TCF20: variants seen among roughly 807,000 people sequenced by gnomAD.
TCF20 encodes SPRE-binding protein.
A neutral mutation model predicts 148.6 loss-of-function variants in TCF20; 3 were observed. The ratio of observed to expected loss-of-function variants is 0.02; its 90% CI spans 0.01 to 0.05. The LOEUF (loss-of-function observed/expected upper bound fraction) is 0.05. TCF20 is among the 10% of genes least tolerant of loss of function. The pLI is 1.00. For synonymous variants in TCF20, 1,049 were observed against 909.5 expected, an observed-to-expected ratio of 1.15 and a Z score of -2.76; for missense variants, 2,350 against 2,429.3, an observed-to-expected ratio of 0.97 and a Z score of 0.69.
In TCF20 at chr22:42,212,290, G is replaced by C; in HGVS notation, c.3016C>G (p.Pro1006Ala). The part of the protein sequence containing the change: ...GGREGMRGRS[P>A]SQYHDFAEKL... ...TCTGCAAAGTCATGATATTGAGAAG[G>C]GGACCGACCCCTCATGCCCTCCCGA... Residue 1006 changes from proline to alanine, a missense_variant, in exon 2 of 6, where the codon CCT (proline) becomes GCT (alanine). Transcript: ENST00000677622. The C allele has an allele frequency of 6.2e-7, 1 of 1,614,180 alleles. No individual in the cohort carries two copies. The highest frequency in any genetic ancestry group is 8.5e-7 in the Non-Finnish European group (1 of 1,180,030).
At position 42,181,949 on chromosome 22, in the gene TCF20, C is replaced by T. The variant is rs187602527; in HGVS notation, c.5656-2247G>A. 1.3e-3 allele frequency among the ~76,000 whole-genome samples: 203 copies of T among 152,108 alleles called. 1 individual carries two copies. Among genetic ancestry groups the T allele is most frequent in the Middle Eastern group, 0.01 (3 of 294 alleles). On this transcript the variant is annotated intron_variant, in intron 2 of 5. Transcript: ENST00000677622. Reference sequence around the variant, plus strand: ...AGGGAGGAACAGGTAATTTTTCTTGCGCAGCCTCTGTGAGGATTAGACAGT... The same window carrying T: ...AGGGAGGAACAGGTAATTTTTCTTGTGCAGCCTCTGTGAGGATTAGACAGT...
At chr22:42,321,219 C>G (rs1032837807) in intron 1 of TCF20, among the ~76,000 whole-genome samples, 3 of 152,218 alleles carry the variant, frequency 2.0e-5, no homozygotes, top group African/African-American at 7.2e-5. Context: ...ACAGGCGGCA[C>G]TTCAGGGCAT....
Position 42,214,005 on chromosome 22 carries a change from C to A in TCF20, c.1301G>T (p.Gly434Val), listed in dbSNP as rs1048998824. The change falls in exon 2 of 6, where the codon GGC becomes GTC. Residue 434 changes from glycine to valine, a missense_variant. By Grantham distance (109) the Gly-to-Val change is moderately radical. Coordinates refer to ENST00000677622, the MANE Select transcript of TCF20 (RefSeq NM_001378418.1). ...MMPSPNSHAA[G>V]FKGFGLEGVP... Reference sequence around the variant, plus strand: ...CCCTTCTAGTCCAAACCCTTTGAAGCCTGCAGCATGAGAATTAGGACTGGG... The same window carrying A: ...CCCTTCTAGTCCAAACCCTTTGAAGACTGCAGCATGAGAATTAGGACTGGG... The A allele has an allele frequency of 6.2e-7, 1 of 1,614,142 alleles. No homozygotes were observed. Among genetic ancestry groups the A allele is most frequent in the Non-Finnish European group, 8.5e-7 (1 of 1,180,034 alleles).
chr22:42,261,197 G>A (rs1056131643), intron 1 of TCF20, among the ~76,000 whole-genome samples: 3 of 152,082 alleles, frequency 2.0e-5, no homozygotes. Context: ...TTTGTTTGTG[G>A]TCTTCCATTG....
In TCF20 at chr22:42,212,526, T is replaced by C. The variant is rs1210861498; in HGVS notation, c.2780A>G (p.Gln927Arg). 1.2e-6 allele frequency: 2 copies of C among 1,614,002 alleles called. No individual in the cohort carries two copies. Among genetic ancestry groups the C allele is most frequent in the Admixed American group, 3.3e-5 (2 of 60,006 alleles). Residue 927 changes from glutamine (Q) to arginine (R), a missense_variant, in exon 2 of 6, where the codon CAG (glutamine) becomes CGG (arginine). Coordinates refer to ENST00000677622, the MANE Select transcript of TCF20 (RefSeq NM_001378418.1). ...CTGTTCAAAGTCTTCCTCTTTTATC[T>C]GCCCGCTCTGGGATTTCAGCTTGGT... ...METKLKSQSG[Q>R]IKEEDFEQSK... is the part of the protein sequence containing the mutation.
rs1367655374 is a variant in TCF20, at chr22:42,210,578, C to T, written c.4728G>A (p.Lys1576=). ...IPEGSADGEP[K]PKKQRQRRER... Reference sequence around the variant, plus strand: ...CCCTCCTTTGCCTCTGTTTTTTTGGCTTTGGCTCTCCATCTGCAGAACCTT... The same window carrying T: ...CCCTCCTTTGCCTCTGTTTTTTTGGTTTTGGCTCTCCATCTGCAGAACCTT... Residue 1576 remains lysine (K), a synonymous_variant, in exon 2 of 6, where the codon AAG becomes AAA. Transcript: ENST00000677622. The surrounding 1 kb of genome is among the most constrained non-coding windows in gnomAD (Gnocchi z 4.7). 5.0e-6 allele frequency: 8 copies of T among 1,614,062 alleles called. No individual in the cohort carries two copies. Among genetic ancestry groups the T allele is most frequent in the Admixed American group, 3.3e-5 (2 of 60,008 alleles).
chr22:42,260,541 A>G (rs553385944), intron 1 of TCF20, among the ~76,000 whole-genome samples: 17 of 152,302 alleles, frequency 1.1e-4, no homozygotes, highest in Non-Finnish European at 2.4e-4. Context: ...TGAGAGATAC[A>G]TATATGTATA....
In TCF20 at chr22:42,236,437, C is replaced by A. The variant is rs188217549; in HGVS notation, c.-36-21096G>T. Among the ~76,000 whole-genome samples the A allele has an allele frequency of 5.8e-4, 88 of 152,152 alleles. 1 individual carries two copies. The highest frequency in any genetic ancestry group is 2.1e-3 in the African/African-American group (86 of 41,520). ...TCCTCTAATTCACAATGAAGAATGCCGACGGAGCGCATTCTTAATCTATAT... is the reference window on the plus strand; with the variant it reads ...TCCTCTAATTCACAATGAAGAATGCAGACGGAGCGCATTCTTAATCTATAT... On this transcript the variant is annotated intron_variant, in intron 1 of 5. Transcript: ENST00000677622.
chr22:42,252,989 C>CTATATAGTATATATTT (rs1925502522), intron 1 of TCF20, among the ~76,000 whole-genome samples: 2 of 151,518 alleles, frequency 1.3e-5, no homozygotes, highest in Non-Finnish European at 2.9e-5. Context: ...TAATAAAAGG[C>CTATATAGTATATATTT]TAATAAACTG....
At chr22:42,234,922 C>T (rs773812297) in intron 1 of TCF20, among the ~76,000 whole-genome samples, 47 of 151,964 alleles carry the variant, frequency 3.1e-4, no homozygotes, top group East Asian at 1.2e-3. Context: ...AGGCGGATCA[C>T]GAGGTCAGGA....
intron 1 of TCF20, among the ~76,000 whole-genome samples, chr22:42,295,446 T>C (rs916263830): frequency 1.8e-4 from 27 of 149,284 alleles, no homozygotes; most frequent in East Asian, 5.8e-4. Flanking sequence ...TCTTTTCTTT[T>C]TTTTTTTTTT....
chr22:42,293,890 C>T (rs1927177986), intron 1 of TCF20, among the ~76,000 whole-genome samples: 1 of 152,208 alleles, frequency 6.6e-6, no homozygotes, highest in Non-Finnish European at 1.5e-5. Flanking sequence ...ATCCCAGCTA[C>T]TCAGGAGGCT....
chr22:42,230,399 A>G (rs924668498), intron 1 of TCF20, among the ~76,000 whole-genome samples: 2 of 152,260 alleles, frequency 1.3e-5, no homozygotes, highest in South Asian at 2.1e-4. Context: ...TGTACAGTAC[A>G]TAATACTTGA....
chr22:42,197,322 C>CTTTT (rs546243265), intron 2 of TCF20, among the ~76,000 whole-genome samples: 3 of 134,226 alleles, frequency 2.2e-5, no homozygotes, highest in Non-Finnish European at 3.2e-5. Flanking sequence ...AGATGAGAAA[C>CTTTT]TTTTTTTTTT....
upstream of TCF20, among the ~76,000 whole-genome samples, chr22:42,284,394 A>G (rs1926985139): frequency 6.6e-6 from 1 of 152,224 alleles, no homozygotes; most frequent in Admixed American, 6.5e-5. Context: ...TTCATAGAGC[A>G]CCTACTGTGT....
rs3045578 is a variant in TCF20, at chr22:42,243,292, CAAAAAAAAAAAAAA to C, written c.-37+27033_-37+27046del. On this transcript the variant is annotated intron_variant, in intron 1 of 5. Transcript: ENST00000677622. ...TGGCTGGCAGAGCAAGACACTGTCT[CAAAAAAAAAAAAAA>C]AAAAAAAAAAAAAAAGTCAGGCATG... is the stretch of plus-strand genomic sequence containing the variant. 2.3e-4 allele frequency among the ~76,000 whole-genome samples: 9 copies of C among 39,478 alleles called. No individual in the cohort carries two copies. In the East Asian group the frequency reaches 5.9e-3, roughly 26 times the overall value. The allele number at this position is 39,478 out of a possible 152,430, so 25.9% of individuals were successfully genotyped here. A position where few individuals can be genotyped will look rare whatever the true frequency, so the allele number is the denominator to read the frequency against.
Position 42,299,247 on chromosome 22 carries a change from A to T in TCF20, c.-37+44232T>A, listed in dbSNP as rs772235396. On this transcript the variant is annotated intron_variant, in intron 1 of 1. Coordinates refer to the TCF20 transcript ENST00000515426. The surrounding 1 kb of genome is among the most constrained non-coding windows in gnomAD (Gnocchi z 4.1). ...ACCAGTGAGCCCAGAGGACAATCAC[A>T]GGGAGGACGGCGGCAAGGAGGTGAG... 4.1e-4 allele frequency among the ~76,000 whole-genome samples: 62 copies of T among 152,186 alleles called. No individual in the cohort carries two copies. The highest frequency in any genetic ancestry group is 2.0e-4 in the Admixed American group (3 of 15,288).
rs956860916 is a variant in TCF20 at position 42,187,984 on chromosome 22, T to C, written c.5656-8282A>G. On this transcript the variant is annotated intron_variant, in intron 2 of 5. Transcript: ENST00000677622. ...CTGTCACATACCTCTTTTTATGCCA[T>C]TGTTGCTTTAAAAAATCCAGATTCT... 3.9e-5 allele frequency among the ~76,000 whole-genome samples: 6 copies of C among 152,100 alleles called. 1 individual carries two copies. The highest frequency in any genetic ancestry group is 7.4e-5 in the Non-Finnish European group (5 of 68,016).
chr22:42,226,682 G>A (rs542976952), intron 1 of TCF20, among the ~76,000 whole-genome samples: 2 of 152,310 alleles, frequency 1.3e-5, no homozygotes, highest in East Asian at 1.9e-4. Flanking sequence ...TCCATCCAGC[G>A]TGGGTGACAG....
Sources: gnomAD v4.1 joint callset for allele counts (sites outside exome capture counted in the v4.1 genomes callset) on GRCh38, gnomAD v4.1.1 for gene constraint, Gnocchi (gnomAD v3.1) non-coding constraint, MANE v1.5 for transcripts, NCBI Gene and HGNC (gene_info 2026-07-23, HGNC 2026-07-21) for gene names.